Variants in SPMIP2 observed in about 807,000 individuals in gnomAD.
SPMIP2 encodes sperm microtubule inner protein 2, also known as protein SPMIP2.
the SPMIP2 span, among the ~76,000 whole-genome samples, chr4:158,956,511 G>A: frequency 0.23 from 35,650 of 152,136 alleles, 4,509 homozygotes; most frequent in Non-Finnish European, 0.29. Flanking sequence ...TGCAGCGAGC[G>A]GAGATCGCGC....
the SPMIP2 span, among the ~76,000 whole-genome samples, chr4:159,063,937 G>T: frequency 6.6e-6 from 1 of 152,282 alleles, no homozygotes; most frequent in African/African-American, 2.4e-5. Flanking sequence ...GAAATTTTAA[G>T]ATACTTCAAA....
At chr4:159,010,467 G>A in the SPMIP2 span, among the ~76,000 whole-genome samples, 6 of 152,160 alleles carry the variant, frequency 3.9e-5, no homozygotes, top group African/African-American at 7.2e-5. Flanking sequence ...AAGAATCCCC[G>A]TCTCATTGAA....
At chr4:159,070,806 T>G in the SPMIP2 span, among the ~76,000 whole-genome samples, 1 of 152,142 alleles carries the variant, frequency 6.6e-6, no homozygotes, top group African/African-American at 2.4e-5. Context: ...AAGATATGAG[T>G]GAAAACTTGT....
At chr4:159,079,041 C>G in the SPMIP2 span, among the ~76,000 whole-genome samples, 1 of 152,110 alleles carries the variant, frequency 6.6e-6, no homozygotes, top group Non-Finnish European at 1.5e-5. Context: ...TCACTTGAAC[C>G]TGGGAGGTGG....
the SPMIP2 span, among the ~76,000 whole-genome samples, chr4:158,989,162 G>A: frequency 6.6e-6 from 1 of 152,006 alleles, no homozygotes; most frequent in South Asian, 2.1e-4. Flanking sequence ...AAACACATAG[G>A]AATACAACTT....
the SPMIP2 span, among the ~76,000 whole-genome samples, chr4:159,024,823 G>C: frequency 6.6e-6 from 1 of 152,254 alleles, no homozygotes; most frequent in African/African-American, 2.4e-5. Context: ...ATAATGATTA[G>C]CATCACAAAT....
At chr4:158,984,465 A>T in the SPMIP2 span, among the ~76,000 whole-genome samples, 2 of 151,426 alleles carry the variant, frequency 1.3e-5, no homozygotes, top group African/African-American at 2.4e-5. Flanking sequence ...ACTAGAACTC[A>T]GGATTAAGAA....
chr4:158,897,021 G>A, the SPMIP2 span, among the ~76,000 whole-genome samples: 21 of 143,906 alleles, frequency 1.5e-4, no homozygotes, highest in African/African-American at 4.8e-4. Context: ...AATAGGCCCC[G>A]GTGTGTGATG....
the SPMIP2 span, among the ~76,000 whole-genome samples, chr4:159,020,254 G>T: frequency 6.6e-6 from 1 of 152,142 alleles, no homozygotes; most frequent in Non-Finnish European, 1.5e-5. Context: ...TGCAATTGTA[G>T]AAGAGAAAGA....
the SPMIP2 span, among the ~76,000 whole-genome samples, chr4:158,992,566 GT>G: frequency 0.65 from 98,112 of 151,994 alleles, 31,853 homozygotes; most frequent in Middle Eastern, 0.72. Context: ...AGCTGTCTTG[GT>G]TTGTGCTGCT....
the SPMIP2 span, among the ~76,000 whole-genome samples, chr4:158,946,393 A>G: frequency 1.8e-5 from 2 of 112,192 alleles, no homozygotes; most frequent in African/African-American, 7.5e-5. Context: ...CGAATCCCAA[A>G]TTGTAATCCC....
the SPMIP2 span, among the ~76,000 whole-genome samples, chr4:158,982,213 A>G: frequency 6.6e-6 from 1 of 152,248 alleles, no homozygotes; most frequent in Admixed American, 6.5e-5. Context: ...GAGCACCCAG[A>G]TTCATAAAGC....
At chr4:158,995,131 T>G in the SPMIP2 span, among the ~76,000 whole-genome samples, 1 of 152,230 alleles carries the variant, frequency 6.6e-6, no homozygotes, top group Non-Finnish European at 1.5e-5. Flanking sequence ...TTGCCCAGAC[T>G]GATCTTGAAT....
At chr4:158,967,443 C>A in the SPMIP2 span, among the ~76,000 whole-genome samples, 1 of 152,148 alleles carries the variant, frequency 6.6e-6, no homozygotes, top group African/African-American at 2.4e-5. Flanking sequence ...AAACCACAAA[C>A]TGTTAGGATG....
chr4:158,909,607 A>C, the SPMIP2 span, among the ~76,000 whole-genome samples: 3 of 147,140 alleles, frequency 2.0e-5, no homozygotes, highest in Middle Eastern at 3.5e-3. Context: ...ACAGGGTCTC[A>C]CTTTGTCACC....
At chr4:158,898,801 C>G in the SPMIP2 span, among the ~76,000 whole-genome samples, 1 of 152,222 alleles carries the variant, frequency 6.6e-6, no homozygotes, top group Non-Finnish European at 1.5e-5. Context: ...TTGACTTCCT[C>G]TCTTCCTATT....
the SPMIP2 span, chr4:158,893,845 TG>T: frequency 8.2e-6 from 5 of 610,332 alleles, no homozygotes; most frequent in East Asian, 1.4e-4. Flanking sequence ...AGCAATAAAT[TG>T]TTATAGTTAA....
At chr4:159,005,046 C>T in the SPMIP2 span, among the ~76,000 whole-genome samples, 1 of 152,036 alleles carries the variant, frequency 6.6e-6, no homozygotes, top group Non-Finnish European at 1.5e-5. Context: ...GCCTGACCAA[C>T]ATGGTGAAAC....
At chr4:158,910,653 GTGGGTGGGCCTCATTCAACCTGTT>G in the SPMIP2 span, among the ~76,000 whole-genome samples, 1 of 152,334 alleles carries the variant, frequency 6.6e-6, no homozygotes, top group Middle Eastern at 3.4e-3. Flanking sequence ...CCTCCATAAT[GTGGGTGGGCCTCATTCAACCTGTT>G]GAAAGTCTTA....
Sources: gnomAD v4.1 joint callset for allele counts (sites outside exome capture counted in the v4.1 genomes callset) on GRCh38, gnomAD v4.1.1 for gene constraint, MANE v1.5 for transcripts, NCBI Gene and HGNC (gene_info 2026-07-23, HGNC 2026-07-21) for gene names.